The following USP49 variants were observed in gnomAD, a reference collection of about 807,000 sequenced individuals.
USP49 encodes ubiquitin specific peptidase 49, also known as ubiquitin carboxyl-terminal hydrolase 49.
USP49 carries 24 observed loss-of-function variants against 58.6 expected under a neutral mutation model. That is an observed-to-expected ratio of 0.41 (90% confidence interval 0.30 to 0.58). USP49 has a LOEUF of 0.58. Among genes scored for constraint, USP49 ranks in the 20% least tolerant of loss-of-function variants. USP49 has a pLI of 0.30. For synonymous variants in USP49, 408 were observed against 365.1 expected (o/e 1.12, Z -1.34); for missense variants, 703 against 866.1 (o/e 0.81, Z 2.36).
At chr6:41,821,241 T>TA (rs1773446991) in intron 3 of USP49, among the ~76,000 whole-genome samples, 1 of 152,194 alleles carries the variant, frequency 6.6e-6, no homozygotes, top group Non-Finnish European at 1.5e-5. Flanking sequence ...TCAGTAGTGT[T>TA]AGTCACAGAG....
rs1214594610 is a variant in USP49 at position 41,836,519 on chromosome 6, C to G, written c.-28-29508G>C. 2.6e-5 allele frequency among the ~76,000 whole-genome samples: 4 copies of G among 151,880 alleles called. No homozygotes were observed. In the East Asian group the frequency reaches 7.7e-4, roughly 29 times the overall value. On this transcript the variant is annotated intron_variant, in intron 3 of 7. Transcript: ENST00000682992. ...TCAGCGTAGTACTGGAATTCCTAACCAGAACAATCAGGCAAGAAAAAGAAG... is the reference window on the plus strand; with the variant it reads ...TCAGCGTAGTACTGGAATTCCTAACGAGAACAATCAGGCAAGAAAAAGAAG...
intron 3 of USP49, chr6:41,869,809 C>G (rs1366711434): frequency 6.6e-6 from 1 of 151,586 alleles, no homozygotes; most frequent in Non-Finnish European, 1.5e-5. Context: ...TATCTAGAAA[C>G]AAAAGAATTG....
intron 2 of USP49, among the ~76,000 whole-genome samples, chr6:41,885,331 T>C (rs904256688): frequency 1.3e-5 from 2 of 152,210 alleles, no homozygotes; most frequent in African/African-American, 4.8e-5. Context: ...CAAAAAAAAT[T>C]ACCCGTTCAC....
intron 3 of USP49, among the ~76,000 whole-genome samples, chr6:41,816,430 G>A (rs1773351380): frequency 6.6e-6 from 1 of 152,072 alleles, no homozygotes; most frequent in African/African-American, 2.4e-5. Context: ...TTAGACAACT[G>A]TTCTTGTCTG....
Position 41,805,832 on chromosome 6 carries a change from T to C in USP49, c.1152A>G (p.Ser384=). ...ALVSPFAMLH[S]VWSLIPAFRG... ...GGAAGGCAGGGATCAGGCTCCACAC[T>C]GAGTGGAGCATGGCGAAGGGCGACA... Residue 384 remains serine, a synonymous_variant, in exon 4 of 8, where the codon TCA becomes TCG. Transcript: ENST00000682992. The C allele has an allele frequency of 6.2e-7, 1 of 1,613,936 alleles. No individual in the cohort carries two copies. Among genetic ancestry groups the C allele is most frequent in the South Asian group, 1.1e-5 (1 of 91,078 alleles).
At chr6:41,853,238 A>G (rs1466933021) in intron 3 of USP49, among the ~76,000 whole-genome samples, 1 of 152,198 alleles carries the variant, frequency 6.6e-6, no homozygotes, top group Non-Finnish European at 1.5e-5. Flanking sequence ...AACATAAATG[A>G]GCCTTGTGGA....
chr6:41,793,269 GT>G lies in USP49; in HGVS notation c.*3263del, dbSNP rs573593165. 2.1e-4 allele frequency: 31 copies of G among 147,880 alleles called. No individual in the cohort carries two copies. The highest frequency in any genetic ancestry group is 6.2e-4 in the South Asian group (3 of 4,870). The allele number at this position is 147,880 out of a possible 1,614,324, so 9.2% of individuals were successfully genotyped here. ...TTTTTTTTTTTTTGTTTTTGTTTTT[GT>G]TTTTTTTTTAAGACAGAGTCTCGCT... On this transcript the variant is annotated 3_prime_UTR_variant, in exon 8 of 8. Coordinates refer to ENST00000682992, the MANE Select transcript of USP49 (RefSeq NM_001286554.2).
intron 3 of USP49, among the ~76,000 whole-genome samples, chr6:41,862,152 A>G (rs1300338696): frequency 2.0e-5 from 3 of 152,204 alleles, no homozygotes; most frequent in African/African-American, 7.2e-5. Flanking sequence ...CTATCATGGG[A>G]CACTTACACA....
rs754598439 is a variant in USP49 at position 41,805,965 on chromosome 6, C to T, written c.1019G>A (p.Arg340Gln). The T allele has an allele frequency of 8.7e-6, 14 of 1,613,754 alleles. No individual in the cohort carries two copies. The highest frequency in any genetic ancestry group is 5.0e-5 in the Admixed American group (3 of 60,006). Residue 340 changes from arginine to glutamine, a missense_variant, in exon 4 of 8, where the codon CGG (arginine) becomes CAG (glutamine). Coordinates refer to ENST00000682992, the MANE Select transcript of USP49 (RefSeq NM_001286554.2). ...FCWNGRASIS[R>Q]SLELIQNKEP... ...CTTGTTCTGGATGAGCTCCAGACTC[C>T]GACTAATGGAGGCCCTGCCGTTCCA...
intron 3 of USP49, among the ~76,000 whole-genome samples, chr6:41,861,170 G>A (rs193218247): frequency 1.3e-5 from 2 of 151,530 alleles, no homozygotes; most frequent in African/African-American, 2.4e-5. Context: ...AGGGCCGGGC[G>A]CAGTGGCTCA....
At chr6:41,866,305 C>T (rs1307638930) in intron 3 of USP49, among the ~76,000 whole-genome samples, 1 of 152,122 alleles carries the variant, frequency 6.6e-6, no homozygotes, top group Non-Finnish European at 1.5e-5. Context: ...CACACCAGTG[C>T]TATCAACTCT....
chr6:41,840,140 C>T (rs992329923), intron 3 of USP49, among the ~76,000 whole-genome samples: 1 of 151,034 alleles, frequency 6.6e-6, no homozygotes, highest in Non-Finnish European at 1.5e-5. Flanking sequence ...TTTGGGAGGC[C>T]GAGGTGGGCG....
intron 3 of USP49, among the ~76,000 whole-genome samples, chr6:41,853,736 C>T (rs1224083028): frequency 2.0e-5 from 3 of 152,060 alleles, no homozygotes; most frequent in Non-Finnish European, 4.4e-5. Flanking sequence ...GTGGCTCACG[C>T]CTGTAATCCC....
chr6:41,884,266 G>A (rs1561927169), intron 2 of USP49, among the ~76,000 whole-genome samples: 3 of 152,040 alleles, frequency 2.0e-5, no homozygotes, highest in Admixed American at 6.6e-5. Context: ...CTCGTGATCT[G>A]CCCACCTTGG....
intron 6 of USP49, among the ~76,000 whole-genome samples, 160 bp from the exon 7 acceptor site, chr6:41,799,089 T>TA (rs1437444613): frequency 6.6e-6 from 1 of 151,128 alleles, no homozygotes; most frequent in East Asian, 2.0e-4. Context: ...CTTATTTATT[T>TA]ATTTATTTAT....
At chr6:41,824,924 G>A (rs1049336839) in intron 3 of USP49, among the ~76,000 whole-genome samples, 5 of 152,152 alleles carry the variant, frequency 3.3e-5, no homozygotes, top group African/African-American at 1.2e-4. Flanking sequence ...CGTGGACTGT[G>A]CATGAACCCT....
intron 5 of USP49, 86 bp from the exon 6 acceptor site, chr6:41,800,024 C>G: frequency 8.5e-7 from 1 of 1,180,630 alleles, no homozygotes; most frequent in Non-Finnish European, 1.3e-6. Flanking sequence ...ATTCAATATG[C>G]ATTCTCCATA....
chr6:41,807,447 T>C (rs917601646), intron 3 of USP49, among the ~76,000 whole-genome samples: 26 of 152,208 alleles, frequency 1.7e-4, no homozygotes, highest in Non-Finnish European at 2.9e-5. Flanking sequence ...ACATTGTATA[T>C]GTGGTTTTGT....
intron 3 of USP49, among the ~76,000 whole-genome samples, chr6:41,837,030 T>C (rs1281817504): frequency 2.0e-5 from 3 of 152,234 alleles, no homozygotes. Flanking sequence ...ATGGTCATAC[T>C]GCCCAAAGCA....
Sources: allele counts gnomAD v4.1 joint callset (sites outside exome capture counted in the v4.1 genomes callset), GRCh38; gene constraint gnomAD v4.1.1; transcripts MANE v1.5; gene names NCBI Gene and HGNC (gene_info 2026-07-23, HGNC 2026-07-21).